DOCK3: variants seen among roughly 807,000 people sequenced by gnomAD.
DOCK3 encodes the protein dedicator of cytokinesis 3.
Under a neutral mutation model 265.6 loss-of-function variants are expected in DOCK3, and 60 were observed. The observed-to-expected ratio is 0.23, with a 90% confidence interval of 0.18 to 0.28. The LOEUF (loss-of-function observed/expected upper bound fraction) is 0.28. Among genes scored for constraint, DOCK3 ranks in the 10% least tolerant of loss-of-function variants. The probability of loss-of-function intolerance (pLI) is 1.00; values close to 1 mark genes in which losing one functional copy is unlikely to be tolerated. For missense variants in DOCK3, 1,981 were observed against 2,594.3 expected (o/e 0.76, Z 5.14); for synonymous variants, 881 against 938.0 (o/e 0.94, Z 1.11).
At chr3:51,314,951 C>A in intron 31 of DOCK3, 29 bp from the exon 32 acceptor site, 1 of 1,580,256 alleles carries the variant, frequency 6.3e-7, no homozygotes, top group South Asian at 1.2e-5. Context: ...GCAAAGCAGG[C>A]ATAAACTAAT....
At chr3:51,222,756 C>T (rs149608892) in intron 14 of DOCK3, among the ~76,000 whole-genome samples, 1 of 152,234 alleles carries the variant, frequency 6.6e-6, no homozygotes, top group Non-Finnish European at 1.5e-5. Context: ...GCTAGATGAT[C>T]ACCAAAGGCA....
At chr3:51,347,414 G>C (rs2085663027) in intron 38 of DOCK3, among the ~76,000 whole-genome samples, 1 of 152,138 alleles carries the variant, frequency 6.6e-6, no homozygotes, top group South Asian at 2.1e-4. Context: ...CCCATTGCTT[G>C]TTTTTGTCAG....
chr3:50,867,827 T>C (rs1017097898), intron 3 of DOCK3, among the ~76,000 whole-genome samples: 19 of 152,146 alleles, frequency 1.2e-4, no homozygotes, highest in Admixed American at 7.2e-4. Context: ...TTCATTTTGC[T>C]AGTATTTTGT....
At chr3:50,966,802 C>G (rs551864473) in intron 5 of DOCK3, among the ~76,000 whole-genome samples, 1 of 152,086 alleles carries the variant, frequency 6.6e-6, no homozygotes, top group South Asian at 2.1e-4. Context: ...TAGGGGATGA[C>G]CAACTTGCCT....
chr3:51,265,222 C>CA (rs959231253), intron 23 of DOCK3, among the ~76,000 whole-genome samples: 3 of 151,986 alleles, frequency 2.0e-5, no homozygotes, highest in African/African-American at 4.8e-5. Flanking sequence ...AGCGTACAAC[C>CA]AAAAAAATCC....
At chr3:50,999,711 C>T (rs2078407580) in intron 5 of DOCK3, among the ~76,000 whole-genome samples, 1 of 152,164 alleles carries the variant, frequency 6.6e-6, no homozygotes. Flanking sequence ...TTAGACTCTG[C>T]TTCCCACCTC....
chr3:50,851,361 C>T (rs1170718495), intron 3 of DOCK3, among the ~76,000 whole-genome samples: 1 of 151,982 alleles, frequency 6.6e-6, no homozygotes, highest in Non-Finnish European at 1.5e-5. Flanking sequence ...GAGGGCTTCC[C>T]TGCACCAGGA....
intron 6 of DOCK3, among the ~76,000 whole-genome samples, chr3:51,068,590 T>C (rs893033089): frequency 3.3e-5 from 5 of 149,986 alleles, no homozygotes; most frequent in Admixed American, 2.6e-4. Flanking sequence ...GCTATGCCTT[T>C]CTAGGACAAG....
chr3:51,235,771 A>G (rs533347710), intron 19 of DOCK3, among the ~76,000 whole-genome samples: 2 of 152,344 alleles, frequency 1.3e-5, no homozygotes, highest in Admixed American at 1.3e-4. Context: ...TGAAACAACA[A>G]CAAAAATACT....
chr3:51,305,356 C>G (rs1319686768), intron 27 of DOCK3, among the ~76,000 whole-genome samples: 3 of 152,064 alleles, frequency 2.0e-5, no homozygotes, highest in East Asian at 3.9e-4. Flanking sequence ...TCTATATTGT[C>G]TGATGTTAAT....
At chr3:50,953,620 A>G (rs544791124) in intron 5 of DOCK3, among the ~76,000 whole-genome samples, 26 of 152,260 alleles carry the variant, frequency 1.7e-4, no homozygotes, top group African/African-American at 6.0e-4. Context: ...ATAATTATGT[A>G]TACAAATACA....
chr3:50,752,077 A>G (rs918956841), intron 1 of DOCK3, among the ~76,000 whole-genome samples: 2 of 152,154 alleles, frequency 1.3e-5, no homozygotes, highest in Admixed American at 1.3e-4. Context: ...AGTACCTGCA[A>G]TGCTTTTTCT....
In DOCK3 at chr3:50,719,615, C is replaced by A. The variant is rs1457601880; in HGVS notation, c.37+44315C>A. 2.6e-6 allele frequency: 4 copies of A among 1,537,326 alleles called. No individual in the cohort carries two copies. The East Asian group carries it at 9.0e-5, about 35-fold the overall frequency. ...AAAGACCACATGCTTGCCATCCAAC[C>A]ACTGAGGTCTTGGCAGTGCAGATGA... On this transcript the variant is annotated intron_variant, in intron 1 of 52. Transcript: ENST00000266037.
In DOCK3 at chr3:50,683,939, C is replaced by T. The variant is rs551241775; in HGVS notation, c.37+8639C>T. Among the ~76,000 whole-genome samples, 72 of 149,886 alleles carry T rather than the reference C, an allele frequency of 4.8e-4. No homozygotes were observed. In the South Asian group the frequency reaches 8.1e-3, roughly 17 times the overall value. On this transcript the variant is annotated intron_variant, in intron 1 of 52. Transcript: ENST00000266037. ...TTGACCTCCCAAAGTGTTGGGATTA[C>T]AGGCGTGAGCCACCATGCCGGGTCT...
chr3:51,251,237 A>G (rs1016087816), intron 22 of DOCK3, among the ~76,000 whole-genome samples: 29 of 152,192 alleles, frequency 1.9e-4, no homozygotes, highest in African/African-American at 6.3e-4. Context: ...CATGGTGTAT[A>G]TGTGCCACAT....
chr3:51,381,238 T>C lies in DOCK3; in HGVS notation c.5772T>C (p.Ala1924=). The change falls in exon 53 of 53, where the codon GCT becomes GCC. Residue 1924 remains alanine (A), a synonymous_variant. Transcript: ENST00000266037. The surrounding 1 kb of genome is among the most constrained non-coding windows in gnomAD (Gnocchi z 5.6). The stretch of plus-strand genomic sequence containing the variant: ...CCATGCCAAGTCAGGCCTGGAATGC[T>C]GACGAAGATCTTGAGCCACCCTACC... ...MDSMPSQAWN[A]DEDLEPPYLP... is the part of the protein sequence containing the mutation. The C allele has an allele frequency of 1.2e-6, 2 of 1,613,864 alleles. No homozygotes were observed. Among genetic ancestry groups the C allele is most frequent in the Non-Finnish European group, 1.7e-6 (2 of 1,179,848 alleles).
intron 3 of DOCK3, 142 bp from the exon 4 acceptor site, chr3:50,889,884 C>G (rs2048560941): frequency 8.8e-6 from 5 of 568,384 alleles, no homozygotes; most frequent in Non-Finnish European, 1.1e-5. Context: ...TTGTACAGCT[C>G]TGCATACTTA....
At chr3:50,984,112 C>T (rs1055905841) in intron 5 of DOCK3, among the ~76,000 whole-genome samples, 1 of 151,816 alleles carries the variant, frequency 6.6e-6, no homozygotes, top group African/African-American at 2.4e-5. Flanking sequence ...GCCTTACTTG[C>T]CCTTGGCAGG....
chr3:50,733,511 C>T (rs1475447996), intron 1 of DOCK3, among the ~76,000 whole-genome samples: 1 of 152,146 alleles, frequency 6.6e-6, no homozygotes, highest in Non-Finnish European at 1.5e-5. Flanking sequence ...TTCACCGAAG[C>T]CTATTTTGTC....
Sources: gnomAD v4.1 joint callset for allele counts (sites outside exome capture counted in the v4.1 genomes callset) on GRCh38, gnomAD v4.1.1 for gene constraint, Gnocchi (gnomAD v3.1) non-coding constraint, MANE v1.5 for transcripts, NCBI Gene and HGNC (gene_info 2026-07-23, HGNC 2026-07-21) for gene names.